The following NHSL1 variants were observed in gnomAD, a reference collection of about 807,000 sequenced individuals.
The protein encoded by NHSL1 is NHS like 1.
In NHSL1, 48 loss-of-function variants were observed where a neutral mutation model predicts 95.0. The ratio of observed to expected loss-of-function variants is 0.51; its 90% CI spans 0.40 to 0.64. The LOEUF is 0.64. NHSL1 is among the 30% of genes least tolerant of loss of function. The pLI, the probability that NHSL1 is intolerant of heterozygous loss-of-function variation, is 0.00. For synonymous variants in NHSL1, 783 were observed against 833.9 expected (o/e 0.94, Z 1.05); for missense variants, 1,971 against 2,077.7 (o/e 0.95, Z 1.00).
At chr6:138,499,152 C>CAA in intron 1 of NHSL1, 81 bp downstream of exon 1, 1 of 851,862 alleles carries the variant, frequency 1.2e-6, no homozygotes, top group Non-Finnish European at 1.9e-6. Flanking sequence ...CACACACACA[C>CAA]ACACACAGAC....
intron 2 of NHSL1, among the ~76,000 whole-genome samples, chr6:138,483,990 C>T (rs1779576415): frequency 6.6e-6 from 1 of 152,156 alleles, no homozygotes; most frequent in African/African-American, 2.4e-5. Flanking sequence ...CCTGACCTCC[C>T]ATTAAATGGG....
upstream of NHSL1, among the ~76,000 whole-genome samples, chr6:138,547,441 T>C (rs1171499244): frequency 2.0e-5 from 3 of 152,140 alleles, no homozygotes; most frequent in African/African-American, 7.2e-5. Flanking sequence ...AGGGCAGTGG[T>C]GTGATCTCAG....
chr6:138,430,726 G>A lies in NHSL1; in HGVS notation c.3619C>T (p.Pro1207Ser). 1.3e-6 allele frequency: 2 copies of A among 1,551,784 alleles called. No individual in the cohort carries two copies. The highest frequency in any genetic ancestry group is 1.7e-6 in the Non-Finnish European group (2 of 1,147,020). ...TCCACTGCAAAATCTTTCTGCGGAG[G>A]TGGTACCACCAGGAACAGTTTGGGC... ...KKPKLFLVVP[P>S]PQKDFAVEPA... Residue 1207 changes from proline to serine, a missense_variant, in exon 6 of 8, where the codon CCT becomes TCT. Physicochemically the swap from Pro to Ser is moderately conservative, Grantham distance 74 (BLOSUM62 -1). Around this residue, in one of 3 missense-constraint regions of NHSL1, gnomAD observed 1,602 missense variants for 1,654.5 expected, o/e 0.97. Coordinates refer to ENST00000343505, the MANE Select transcript of NHSL1 (RefSeq NM_001144060.2). The surrounding 1 kb of genome is among the most constrained non-coding windows in gnomAD (Gnocchi z 4.7).
At chr6:138,513,760 C>T (rs901424919) in intron 1 of NHSL1, among the ~76,000 whole-genome samples, 4 of 152,086 alleles carry the variant, frequency 2.6e-5, no homozygotes, top group African/African-American at 7.2e-5. Flanking sequence ...TTTAGACCTC[C>T]CATTGTTCAC....
At chr6:138,492,416 C>T (rs898379564) in intron 2 of NHSL1, among the ~76,000 whole-genome samples, 1 of 152,230 alleles carries the variant, frequency 6.6e-6, no homozygotes. Context: ...GCTGCCAAGA[C>T]AGCAGGCCTG....
chr6:138,656,311 C>T (rs1433394321), intron 1 of NHSL1, among the ~76,000 whole-genome samples: 1 of 152,168 alleles, frequency 6.6e-6, no homozygotes, highest in Non-Finnish European at 1.5e-5. Context: ...AATGCATTAA[C>T]TCCAATTTTA....
intron 1 of NHSL1, among the ~76,000 whole-genome samples, chr6:138,621,865 A>C (rs1784669158): frequency 6.6e-6 from 1 of 152,256 alleles, no homozygotes; most frequent in Non-Finnish European, 1.5e-5. Context: ...CTTCAGGGCC[A>C]GCCCTAGCAA....
intron 1 of NHSL1, among the ~76,000 whole-genome samples, chr6:138,581,841 T>C (rs990427558): frequency 7.3e-5 from 11 of 151,534 alleles, no homozygotes; most frequent in Non-Finnish European, 1.6e-4. Context: ...CTCTGTTATA[T>C]CAGAATGCTC....
At chr6:138,449,809 G>A (rs2128222975) in intron 3 of NHSL1, among the ~76,000 whole-genome samples, 1 of 152,260 alleles carries the variant, frequency 6.6e-6, no homozygotes, top group Non-Finnish European at 1.5e-5. Context: ...AAGGCATGTG[G>A]AAAAGATAAA....
chr6:138,520,020 T>C (rs6570242), intron 1 of NHSL1, among the ~76,000 whole-genome samples: 41,651 of 152,004 alleles, frequency 0.27, 6,241 homozygotes, highest in Middle Eastern at 0.48. Flanking sequence ...GTTTTTCCCA[T>C]AACCGTTGGC....
intron 1 of NHSL1, among the ~76,000 whole-genome samples, chr6:138,557,900 T>C (rs1377988699): frequency 6.6e-6 from 1 of 152,238 alleles, no homozygotes; most frequent in East Asian, 1.9e-4. Flanking sequence ...GCACAAACCA[T>C]GACCTGTAAA....
chr6:138,464,086 C>T (rs1160933493), intron 3 of NHSL1: 6 of 450,000 alleles, frequency 1.3e-5, no homozygotes, highest in African/African-American at 4.1e-5. Flanking sequence ...AGATGGTGGC[C>T]GCGCACGAGG....
chr6:138,624,931 A>G (rs1434395169), intron 1 of NHSL1, among the ~76,000 whole-genome samples: 1 of 152,182 alleles, frequency 6.6e-6, no homozygotes, highest in Non-Finnish European at 1.5e-5. Flanking sequence ...ATCATGGAAT[A>G]AAAGGCCAGA....
intron 1 of NHSL1, among the ~76,000 whole-genome samples, chr6:138,682,985 C>A (rs1183500449): frequency 6.6e-6 from 1 of 152,200 alleles, no homozygotes; most frequent in Non-Finnish European, 1.5e-5. Context: ...GATAGCCAAC[C>A]CCAGGCCAAG....
chr6:138,583,963 A>C (rs1452449112), intron 1 of NHSL1, among the ~76,000 whole-genome samples: 1 of 152,078 alleles, frequency 6.6e-6, no homozygotes, highest in African/African-American at 2.4e-5. Context: ...CTCTACAAAA[A>C]ATAAAATGAG....
At chr6:138,460,685 T>C (rs750625169) in intron 3 of NHSL1, among the ~76,000 whole-genome samples, 1 of 151,984 alleles carries the variant, frequency 6.6e-6, no homozygotes, top group African/African-American at 2.4e-5. Flanking sequence ...CAGTTGCCCA[T>C]GGATACTGAG....
intron 1 of NHSL1, among the ~76,000 whole-genome samples, chr6:138,634,000 CTGCTCAAAATAATGGGTTA>C (rs1193061079): frequency 1.3e-5 from 2 of 152,088 alleles, no homozygotes; most frequent in East Asian, 3.8e-4. Flanking sequence ...GTTAAGTTAT[CTGCTCAAAATAATGGGTTA>C]TAATATTTAC....
chr6:138,454,412 A>G (rs965997631), intron 3 of NHSL1, among the ~76,000 whole-genome samples: 4 of 152,114 alleles, frequency 2.6e-5, no homozygotes, highest in African/African-American at 9.7e-5. Context: ...TCTTTGTATT[A>G]TCTCAACAAT....
At chr6:138,480,990 C>T (rs1779384766) in intron 2 of NHSL1, among the ~76,000 whole-genome samples, 1 of 152,110 alleles carries the variant, frequency 6.6e-6, no homozygotes, top group African/African-American at 2.4e-5. Flanking sequence ...AGTTTTTAAA[C>T]TTCTATCTCA....
Sources: gnomAD v4.1 joint callset for allele counts (sites outside exome capture counted in the v4.1 genomes callset) on GRCh38, gnomAD v4.1.1 for gene constraint, gnomAD v4.1.1 regional missense constraint, Gnocchi (gnomAD v3.1) non-coding constraint, MANE v1.5 for transcripts, NCBI Gene and HGNC (gene_info 2026-07-23, HGNC 2026-07-21) for gene names.